The following C12orf42 variants were observed in gnomAD, a reference collection of about 807,000 sequenced individuals.
C12orf42 encodes uncharacterized protein C12orf42.
In C12orf42, 25 loss-of-function variants were observed where a neutral mutation model predicts 21.6. The observed-to-expected ratio is 1.16, with a 90% CI of 0.84 to 1.62. The LOEUF (loss-of-function observed/expected upper bound fraction) is 1.62, where lower values mean the gene tolerates loss of function less well. C12orf42 is among the 40% of genes most tolerant of loss of function. The pLI, the probability that C12orf42 is intolerant of heterozygous loss-of-function variation, is 0.00. For synonymous variants in C12orf42, 174 were observed against 175.0 expected (o/e 0.99, Z 0.05); for missense variants, 483 against 459.3 (o/e 1.05, Z -0.47).
At chr12:103,243,779 T>C (rs2033875663) in intron 10 of C12orf42, among the ~76,000 whole-genome samples, 1 of 152,130 alleles carries the variant, frequency 6.6e-6, no homozygotes, top group Non-Finnish European at 1.5e-5. Context: ...TCAGGTCACT[T>C]GTGTTTTGTC....
At chr12:103,121,622 C>A in the C12orf42 span, among the ~76,000 whole-genome samples, 3 of 152,222 alleles carry the variant, frequency 2.0e-5, no homozygotes, top group Admixed American at 2.0e-4. Flanking sequence ...ACCACGCTAT[C>A]ATCATCCCAA....
At chr12:103,139,705 G>A in the C12orf42 span, among the ~76,000 whole-genome samples, 48,660 of 151,982 alleles carry the variant, frequency 0.32, 8,231 homozygotes, top group East Asian at 0.48. Context: ...GCACTGGGTG[G>A]TACTGGAGGG....
chr12:103,223,209 G>A, the C12orf42 span, among the ~76,000 whole-genome samples: 81 of 152,246 alleles, frequency 5.3e-4, 1 homozygote, highest in African/African-American at 1.9e-3. Flanking sequence ...GGGTGGTATG[G>A]AGAGAGAATG....
intron 5 of C12orf42, among the ~76,000 whole-genome samples, chr12:103,305,297 A>G (rs1425011992): frequency 1.3e-5 from 2 of 152,258 alleles, no homozygotes; most frequent in East Asian, 3.9e-4. Context: ...TCTCTCCTCC[A>G]GTCTGAACAT....
At chr12:103,208,368 G>A in the C12orf42 span, among the ~76,000 whole-genome samples, 1 of 151,918 alleles carries the variant, frequency 6.6e-6, no homozygotes, top group Non-Finnish European at 1.5e-5. Context: ...CCACACTCTT[G>A]CGTAAAAGAC....
the C12orf42 span, among the ~76,000 whole-genome samples, chr12:103,089,619 C>CTGTG: frequency 0.013 from 1,871 of 145,578 alleles, 16 homozygotes; most frequent in Non-Finnish European, 0.015. Context: ...GTGTGTGTGT[C>CTGTG]TGTGTGTGTG....
At chr12:103,153,972 GT>G in the C12orf42 span, among the ~76,000 whole-genome samples, 1 of 119,382 alleles carries the variant, frequency 8.4e-6, no homozygotes. Context: ...GTACTAGACT[GT>G]AGTAAGATGG....
intron 4 of C12orf42, among the ~76,000 whole-genome samples, chr12:103,284,913 G>T (rs1004690424): frequency 6.6e-6 from 1 of 152,122 alleles, no homozygotes; most frequent in Non-Finnish European, 1.5e-5. Context: ...TGGAGCCCTG[G>T]ATAGTATAGT....
chr12:103,065,999 T>C, the C12orf42 span, among the ~76,000 whole-genome samples: 1 of 152,170 alleles, frequency 6.6e-6, no homozygotes, highest in South Asian at 2.1e-4. Flanking sequence ...CAATGGTGCT[T>C]GAGGTGTCAG....
intron 1 of C12orf42, among the ~76,000 whole-genome samples, chr12:103,486,432 CTCTT>C (rs1484313825): frequency 5.3e-5 from 8 of 151,200 alleles, no homozygotes; most frequent in Non-Finnish European, 1.0e-4. Context: ...GGCTAAAATT[CTCTT>C]TTTTTTTTGT....
chr12:103,069,976 G>A, the C12orf42 span, among the ~76,000 whole-genome samples: 1 of 152,174 alleles, frequency 6.6e-6, no homozygotes, highest in East Asian at 1.9e-4. Context: ...TCACCTCCCT[G>A]ATCCTAGCAG....
chr12:103,244,875 G>T (rs919962779), intron 10 of C12orf42, among the ~76,000 whole-genome samples: 1 of 152,002 alleles, frequency 6.6e-6, no homozygotes, highest in Non-Finnish European at 1.5e-5. Context: ...AACCAAAGAT[G>T]ATTCTGAGGT....
In C12orf42 at chr12:103,270,215, G is replaced by C. The variant is rs545933131; in HGVS notation, n.399-362C>G. 7.8e-4 allele frequency: 119 copies of C among 152,204 alleles called. 1 individual carries two copies. Among genetic ancestry groups the C allele is most frequent in the African/African-American group, 2.7e-3 (111 of 41,520 alleles). 9.4% of individuals were successfully genotyped at this position (152,204 alleles called of 1,614,324 possible). On this transcript the variant is annotated intron_variant and non_coding_transcript_variant, in intron 5 of 6. Coordinates refer to the C12orf42 transcript ENST00000546526. ...TACTACAGAAATGCAGAAAAGGAGG[G>C]GGGTAAGGCTGTGCTTCCAGAGGAA...
At chr12:103,503,735 A>T in the C12orf42 span, 2 of 153,364 alleles carry the variant, frequency 1.3e-5, no homozygotes, top group African/African-American at 4.8e-5. Flanking sequence ...ACTTACCACC[A>T]GCAGTGACTC....
chr12:103,377,487 G>A (rs1021785407), intron 3 of C12orf42, among the ~76,000 whole-genome samples: 10 of 151,958 alleles, frequency 6.6e-5, no homozygotes, highest in African/African-American at 2.4e-4. Flanking sequence ...GCCCAAGAAT[G>A]TATTTACCAG....
chr12:103,135,461 AG>A, the C12orf42 span, among the ~76,000 whole-genome samples: 54 of 150,646 alleles, frequency 3.6e-4, 1 homozygote, highest in South Asian at 6.3e-3. Context: ...TATCTCAAAA[AG>A]AAAAAAAGAA....
chr12:103,051,182 A>C, the C12orf42 span, among the ~76,000 whole-genome samples: 1 of 152,230 alleles, frequency 6.6e-6, no homozygotes, highest in Non-Finnish European at 1.5e-5. Context: ...GATAACCATC[A>C]AATGACTAAT....
At chr12:103,091,971 A>G in the C12orf42 span, among the ~76,000 whole-genome samples, 1 of 152,212 alleles carries the variant, frequency 6.6e-6, no homozygotes, top group Non-Finnish European at 1.5e-5. Context: ...CATCACAAGT[A>G]CTTGTAACAG....
At position 103,383,305 on chromosome 12, in the gene C12orf42, T is replaced by C. The variant is rs932045821; in HGVS notation, c.148-14307A>G. ...TTTTAGTAGAGACAGGGTTTCACCA[T>C]GTTAGTCAGGCTGGTCTCCAACTCC... On this transcript the variant is annotated intron_variant, in intron 3 of 5. Transcript: ENST00000548883. Among the ~76,000 whole-genome samples the C allele has an allele frequency of 4.6e-5, 7 of 152,246 alleles. No homozygotes were observed. The East Asian group carries it at 1.3e-3, about 29-fold the overall frequency.
Sources: gnomAD v4.1 joint callset for allele counts (sites outside exome capture counted in the v4.1 genomes callset) on GRCh38, gnomAD v4.1.1 for gene constraint, MANE v1.5 for transcripts, NCBI Gene and HGNC (gene_info 2026-07-23, HGNC 2026-07-21) for gene names.